The following PCDH9 variants were observed in gnomAD, a reference collection of about 807,000 sequenced individuals.
PCDH9 encodes the protein protocadherin 9, also known as protocadherin-9.
PCDH9 carries 24 observed loss-of-function variants against 70.6 expected under a neutral mutation model. The observed-to-expected ratio is 0.34, with a 90% confidence interval of 0.25 to 0.48. The LOEUF is 0.48. PCDH9 is among the 20% of genes least tolerant of loss of function. PCDH9 has a pLI of 0.99. For missense variants in PCDH9, 1,281 were observed against 1,503.6 expected (o/e 0.85, Z 2.45); for synonymous variants, 562 against 558.5 (o/e 1.01, Z -0.09).
intron 3 of PCDH9, among the ~76,000 whole-genome samples, chr13:66,701,912 T>A (rs2078652880): frequency 6.6e-6 from 1 of 152,182 alleles, no homozygotes; most frequent in African/African-American, 2.4e-5. Flanking sequence ...ACTCTCTTTG[T>A]TCAGGTGGAA....
At chr13:67,017,843 A>C (rs1464398496) in intron 2 of PCDH9, among the ~76,000 whole-genome samples, 1 of 152,178 alleles carries the variant, frequency 6.6e-6, no homozygotes, top group African/African-American at 2.4e-5. Context: ...TACTGTACAC[A>C]GAGAAAAATT....
intron 2 of PCDH9, among the ~76,000 whole-genome samples, chr13:67,011,239 G>A (rs181955689): frequency 5.3e-5 from 8 of 151,816 alleles, no homozygotes; most frequent in East Asian, 3.9e-4. Context: ...TACATTCAAC[G>A]TAAACATCAG....
chr13:66,553,781 A>G (rs1961600207), intron 4 of PCDH9, among the ~76,000 whole-genome samples: 1 of 152,210 alleles, frequency 6.6e-6, no homozygotes, highest in Non-Finnish European at 1.5e-5. Context: ...CAATTTGTCA[A>G]TGTTCCCCCT....
intron 2 of PCDH9, among the ~76,000 whole-genome samples, chr13:67,039,145 C>T (rs2085063828): frequency 6.6e-6 from 1 of 152,150 alleles, no homozygotes. Flanking sequence ...ATTGGAGATC[C>T]TTCTGGAATT....
At chr13:66,727,977 A>G (rs968371300) in intron 3 of PCDH9, among the ~76,000 whole-genome samples, 1 of 152,178 alleles carries the variant, frequency 6.6e-6, no homozygotes, top group African/African-American at 2.4e-5. Context: ...ACTGATGAAT[A>G]TAAGTATTAT....
At chr13:67,144,994 A>G (rs2087486147) in intron 2 of PCDH9, among the ~76,000 whole-genome samples, 1 of 152,114 alleles carries the variant, frequency 6.6e-6, no homozygotes, top group African/African-American at 2.4e-5. Flanking sequence ...CTATTTTACA[A>G]GTACCTCTGT....
chr13:67,067,582 A>G (rs1428079009), intron 2 of PCDH9, among the ~76,000 whole-genome samples: 2 of 149,168 alleles, frequency 1.3e-5, no homozygotes, highest in Non-Finnish European at 3.0e-5. Flanking sequence ...CTCTGTAACC[A>G]TGTGATTTTA....
chr13:66,866,383 G>C (rs999002781), intron 3 of PCDH9, among the ~76,000 whole-genome samples: 1 of 152,156 alleles, frequency 6.6e-6, no homozygotes, highest in African/African-American at 2.4e-5. Flanking sequence ...TCGGGAGGCT[G>C]AGGAAAGAGA....
chr13:66,903,911 C>A (rs528926760), intron 2 of PCDH9, among the ~76,000 whole-genome samples: 2 of 151,854 alleles, frequency 1.3e-5, no homozygotes, highest in African/African-American at 4.8e-5. Context: ...AAAAGTTATA[C>A]GGTGCTATTT....
chr13:67,123,811 T>G (rs1409116559), intron 2 of PCDH9, among the ~76,000 whole-genome samples: 1 of 151,884 alleles, frequency 6.6e-6, no homozygotes, highest in Non-Finnish European at 1.5e-5. Context: ...ATTTTTGTAT[T>G]TTCCCTTTGT....
chr13:66,517,881 G>T (rs1440219112), intron 4 of PCDH9, among the ~76,000 whole-genome samples: 1 of 152,064 alleles, frequency 6.6e-6, no homozygotes, highest in Non-Finnish European at 1.5e-5. Flanking sequence ...ATGCTTGCAT[G>T]AATTAATAAA....
In PCDH9 at chr13:66,431,637, T is replaced by C. The variant is rs189227522; in HGVS notation, c.3341-126609A>G. Among the ~76,000 whole-genome samples, 11 of 152,142 alleles carry C rather than the reference T, an allele frequency of 7.2e-5. No homozygotes were observed. The East Asian group carries it at 1.9e-3, about 27-fold the overall frequency. On this transcript the variant is annotated intron_variant, in intron 4 of 4. Transcript: ENST00000377865. The stretch of plus-strand genomic sequence containing the variant: ...ACATGAACATACATGTATTTAACAA[T>C]ACACATTGACACAATGTCTGTCAAA...
intron 2 of PCDH9, among the ~76,000 whole-genome samples, chr13:67,032,891 G>T (rs1174727276): frequency 1.3e-5 from 2 of 152,116 alleles, no homozygotes; most frequent in Non-Finnish European, 2.9e-5. Context: ...AGTTCTACCA[G>T]TATGGTTTTC....
At chr13:67,216,780 T>C (rs1333969735) in intron 2 of PCDH9, 4 of 146,364 alleles carry the variant, frequency 2.7e-5, no homozygotes, top group Non-Finnish European at 6.0e-5. Flanking sequence ...AACTAAGAAA[T>C]CAGATGTATT....
chr13:66,944,854 T>TGTGTGA (rs2083063872), intron 2 of PCDH9, among the ~76,000 whole-genome samples: 1 of 151,546 alleles, frequency 6.6e-6, no homozygotes, highest in African/African-American at 2.4e-5. Context: ...TGTGTGTGTG[T>TGTGTGA]GTGATTTAAC....
intron 4 of PCDH9, among the ~76,000 whole-genome samples, chr13:66,555,126 G>A (rs963561292): frequency 6.4e-5 from 9 of 140,476 alleles, no homozygotes; most frequent in Admixed American, 2.1e-4. Context: ...CCAAGAACAC[G>A]CCATTGCACT....
intron 2 of PCDH9, among the ~76,000 whole-genome samples, chr13:67,162,092 A>C (rs1485874558): frequency 6.6e-6 from 1 of 152,108 alleles, no homozygotes; most frequent in Non-Finnish European, 1.5e-5. Flanking sequence ...AAAGCCAATG[A>C]TTTTTAGTGT....
At chr13:66,703,213 T>C (rs1043596513) in intron 3 of PCDH9, among the ~76,000 whole-genome samples, 1 of 82,328 alleles carries the variant, frequency 1.2e-5, no homozygotes, top group Non-Finnish European at 2.4e-5. Context: ...ATCACTGCTG[T>C]TTTCCTTTAA....
intron 3 of PCDH9, among the ~76,000 whole-genome samples, chr13:66,832,261 A>G (rs1371363946): frequency 1.3e-5 from 2 of 152,134 alleles, no homozygotes; most frequent in African/African-American, 4.8e-5. Context: ...ATGACGTTTT[A>G]TAGAGTTGAA....
Sources: gnomAD v4.1 joint callset for allele counts (sites outside exome capture counted in the v4.1 genomes callset) on GRCh38, gnomAD v4.1.1 for gene constraint, MANE v1.5 for transcripts, NCBI Gene and HGNC (gene_info 2026-07-23, HGNC 2026-07-21) for gene names.